The following ASTN2 variants were observed in gnomAD, a reference collection of about 807,000 sequenced individuals.
ASTN2 encodes astrotactin 2, also known as astrotactin-2.
A neutral mutation model predicts 139.8 loss-of-function variants in ASTN2; 54 were observed. The observed-to-expected ratio is 0.39, with a 90% CI of 0.31 to 0.48. ASTN2 has a LOEUF of 0.48. ASTN2 is among the 20% of genes least tolerant of loss of function. The pLI, the probability that ASTN2 is intolerant of heterozygous loss-of-function variation, is 0.95. For missense variants in ASTN2, 1,565 were observed against 1,725.1 expected (o/e 0.91, Z 1.64); for synonymous variants, 756 against 719.5 (o/e 1.05, Z -0.81).
At chr9:116,821,600 A>G (rs1476006299) in intron 11 of ASTN2, among the ~76,000 whole-genome samples, 2 of 152,180 alleles carry the variant, frequency 1.3e-5, no homozygotes, top group Admixed American at 1.3e-4. Flanking sequence ...TCTAAATAGC[A>G]TCACTCCCCA....
intron 2 of ASTN2, among the ~76,000 whole-genome samples, chr9:117,226,807 G>A (rs949600912): frequency 6.6e-6 from 1 of 152,158 alleles, no homozygotes; most frequent in Non-Finnish European, 1.5e-5. Flanking sequence ...TGTTCGGTGT[G>A]TCTGGAGAGT....
chr9:117,165,098 C>T (rs1017745081), intron 3 of ASTN2, among the ~76,000 whole-genome samples: 17 of 152,056 alleles, frequency 1.1e-4, no homozygotes, highest in Non-Finnish European at 2.9e-5. Context: ...GTAACTCCTA[C>T]AGCTCACATG....
chr9:116,818,110 T>C (rs567717685), intron 12 of ASTN2, among the ~76,000 whole-genome samples: 16 of 152,298 alleles, frequency 1.1e-4, no homozygotes, highest in South Asian at 1.0e-3. Flanking sequence ...GTAGAATTGT[T>C]ATGAGAATTG....
chr9:116,635,568 A>G (rs1339633818), intron 17 of ASTN2, among the ~76,000 whole-genome samples: 1 of 152,184 alleles, frequency 6.6e-6, no homozygotes, highest in African/African-American at 2.4e-5. Flanking sequence ...ACCTGCACAT[A>G]TGAGAAAAAA....
intron 17 of ASTN2, among the ~76,000 whole-genome samples, chr9:116,632,252 GGAAAGAAA>G (rs1170260019): frequency 0.023 from 1,624 of 70,726 alleles, 61 homozygotes; most frequent in African/African-American, 0.03. Context: ...AAAGAAAGAA[GGAAAGAAA>G]GAAAGAAAGA....
chr9:116,905,203 G>A (rs1318590453), intron 10 of ASTN2, among the ~76,000 whole-genome samples: 3 of 152,144 alleles, frequency 2.0e-5, no homozygotes, highest in Admixed American at 6.5e-5. Flanking sequence ...ACAGAAGAGC[G>A]TGTGCTCCTT....
chr9:116,431,974 G>T (rs1847511760), intron 22 of ASTN2, among the ~76,000 whole-genome samples: 2 of 150,886 alleles, frequency 1.3e-5, no homozygotes, highest in Non-Finnish European at 3.0e-5. Flanking sequence ...GTGGCAGCGG[G>T]TTCCTCATCA....
intron 7 of ASTN2, among the ~76,000 whole-genome samples, chr9:117,006,639 G>A (rs551194724): frequency 6.6e-5 from 10 of 152,106 alleles, no homozygotes; most frequent in Non-Finnish European, 1.3e-4. Context: ...GTCATAGCAT[G>A]TTGCTTCTTT....
At chr9:116,826,466 C>T (rs771150404) in intron 11 of ASTN2, among the ~76,000 whole-genome samples, 7 of 152,154 alleles carry the variant, frequency 4.6e-5, no homozygotes, top group Non-Finnish European at 7.3e-5. Context: ...ACACCACACT[C>T]TCCTAAGCAC....
chr9:116,572,804 T>TCCAGAAAGAGGGAGA (rs1460596747), intron 19 of ASTN2, among the ~76,000 whole-genome samples: 1 of 151,892 alleles, frequency 6.6e-6, no homozygotes, highest in African/African-American at 2.4e-5. Context: ...GACCCAAGGG[T>TCCAGAAAGAGGGAGA]TCCAGTTCCA....
At chr9:116,860,957 G>A (rs1256542359) in intron 11 of ASTN2, among the ~76,000 whole-genome samples, 1 of 152,096 alleles carries the variant, frequency 6.6e-6, no homozygotes, top group Non-Finnish European at 1.5e-5. Context: ...GAAATGAAAG[G>A]GATTTAAAAT....
intron 7 of ASTN2, among the ~76,000 whole-genome samples, chr9:116,988,701 A>G (rs1836753279): frequency 6.6e-6 from 1 of 152,162 alleles, no homozygotes; most frequent in Non-Finnish European, 1.5e-5. Flanking sequence ...ACCATATAAA[A>G]TGAATGAACT....
chr9:117,280,898 T>C (rs960742193), intron 2 of ASTN2, among the ~76,000 whole-genome samples: 2 of 152,142 alleles, frequency 1.3e-5, no homozygotes, highest in African/African-American at 4.8e-5. Flanking sequence ...TTAGTATACA[T>C]CAGTGGATCT....
At chr9:117,265,766 A>G (rs1388540765) in intron 2 of ASTN2, among the ~76,000 whole-genome samples, 1 of 151,886 alleles carries the variant, frequency 6.6e-6, no homozygotes, top group African/African-American at 2.4e-5. Context: ...TCACATCACT[A>G]CACAATGGTT....
intron 19 of ASTN2, among the ~76,000 whole-genome samples, chr9:116,570,548 A>G (rs1389163335): frequency 2.0e-5 from 3 of 152,120 alleles, no homozygotes; most frequent in Non-Finnish European, 4.4e-5. Flanking sequence ...GGCGCCCGCC[A>G]CCATGCCCGG....
At chr9:116,433,063 A>G in intron 22 of ASTN2, among the ~76,000 whole-genome samples, 1 of 152,232 alleles carries the variant, frequency 6.6e-6, no homozygotes, top group South Asian at 2.1e-4. Context: ...GCAGAGGTCA[A>G]TAAAGGGAAT....
intron 3 of ASTN2, chr9:117,197,134 T>C (rs1831532736): frequency 6.6e-6 from 1 of 152,250 alleles, no homozygotes; most frequent in Admixed American, 6.5e-5. Flanking sequence ...GAGGGCAATC[T>C]GGCTGTGACA....
At chr9:116,664,099 A>T (rs1858722201) in intron 16 of ASTN2, among the ~76,000 whole-genome samples, 1 of 152,190 alleles carries the variant, frequency 6.6e-6, no homozygotes, top group Admixed American at 6.6e-5. Flanking sequence ...ATCAATAGGT[A>T]ATTGGTTGAA....
At chr9:116,846,679 C>T (rs2132314837) in intron 11 of ASTN2, among the ~76,000 whole-genome samples, 1 of 152,284 alleles carries the variant, frequency 6.6e-6, no homozygotes, top group East Asian at 1.9e-4. Flanking sequence ...ACATCCCTGC[C>T]CTTCTCTGGC....
Sources: gnomAD v4.1 joint callset for allele counts (sites outside exome capture counted in the v4.1 genomes callset) on GRCh38, gnomAD v4.1.1 for gene constraint, MANE v1.5 for transcripts, NCBI Gene and HGNC (gene_info 2026-07-23, HGNC 2026-07-21) for gene names.